Variants in RORA observed in about 807,000 individuals in gnomAD.
The protein encoded by RORA is nuclear receptor ROR-alpha.
In RORA, 7 loss-of-function variants were observed where a neutral mutation model predicts 69.5. The ratio of observed to expected loss-of-function variants is 0.10; its 90% CI spans 0.06 to 0.19. The LOEUF (loss-of-function observed/expected upper bound fraction) is 0.19. Ranked by LOEUF, RORA falls within the 10% of genes least tolerant of loss-of-function variation. RORA has a pLI of 1.00. For synonymous variants in RORA, 261 were observed against 240.8 expected (o/e 1.08, Z -0.78); for missense variants, 457 against 663.0 (o/e 0.69, Z 3.41).
chr15:61,110,883 C>T (rs2079000604), intron 1 of RORA, among the ~76,000 whole-genome samples: 1 of 152,234 alleles, frequency 6.6e-6, no homozygotes, highest in Non-Finnish European at 1.5e-5. Flanking sequence ...GCACTTCTCT[C>T]CCCATGGATA....
chr15:61,024,451 G>T (rs914275922), intron 1 of RORA, among the ~76,000 whole-genome samples: 14 of 134,784 alleles, frequency 1.0e-4, no homozygotes, highest in Admixed American at 3.0e-4. Context: ...GCCCGGTAAT[G>T]TTTTTTTTTT....
chr15:60,985,310 T>C (rs1566933997), intron 1 of RORA, among the ~76,000 whole-genome samples: 1 of 152,198 alleles, frequency 6.6e-6, no homozygotes, highest in Non-Finnish European at 1.5e-5. Context: ...ATTAGTATCT[T>C]TGAGTGAAGG....
rs1000846795 is a variant in RORA, at chr15:60,589,947, T to C, written c.197-58096A>G. Reference sequence around the variant, plus strand: ...CTTACACATGGAACCAATTTAACTATTAAAACTGAGAAGCAATAGGGAAGT... The same window carrying C: ...CTTACACATGGAACCAATTTAACTACTAAAACTGAGAAGCAATAGGGAAGT... On this transcript the variant is annotated intron_variant, in intron 2 of 10. Coordinates refer to ENST00000335670, the MANE Select transcript of RORA (RefSeq NM_134261.3). 2.6e-5 allele frequency among the ~76,000 whole-genome samples: 4 copies of C among 152,184 alleles called. No homozygotes were observed. The East Asian group carries it at 7.7e-4, about 29-fold the overall frequency.
At chr15:60,541,668 G>A (rs535869657) in intron 2 of RORA, among the ~76,000 whole-genome samples, 4 of 152,336 alleles carry the variant, frequency 2.6e-5, no homozygotes, top group Non-Finnish European at 4.4e-5. Context: ...AAATGCTCTG[G>A]ACTAAGCTAA....
intron 1 of RORA, among the ~76,000 whole-genome samples, chr15:61,067,114 CTTT>C (rs772963614): frequency 7.2e-5 from 10 of 138,442 alleles, no homozygotes; most frequent in Non-Finnish European, 7.8e-5. Context: ...AACTTTTTTT[CTTT>C]TTTTTTTTTT....
intron 1 of RORA, chr15:61,195,782 C>G (rs550384766): frequency 6.6e-6 from 1 of 152,320 alleles, no homozygotes; most frequent in Admixed American, 6.5e-5. Flanking sequence ...GAGTCACAGC[C>G]TATTTGTGAC....
chr15:60,716,146 G>T (rs867185396), intron 1 of RORA, among the ~76,000 whole-genome samples: 1 of 152,136 alleles, frequency 6.6e-6, no homozygotes, highest in South Asian at 2.1e-4. Context: ...TATAGTTGCC[G>T]AGTGATGCCA....
chr15:61,019,134 A>T (rs921201974), intron 1 of RORA, among the ~76,000 whole-genome samples: 3 of 152,212 alleles, frequency 2.0e-5, no homozygotes, highest in Non-Finnish European at 4.4e-5. Context: ...TGCAAGGCAC[A>T]AGAATTGCAC....
intron 1 of RORA, among the ~76,000 whole-genome samples, chr15:61,105,986 A>T (rs8039380): frequency 0.15 from 22,679 of 152,214 alleles, 1,745 homozygotes; most frequent in South Asian, 0.21. Flanking sequence ...TATCTTCATA[A>T]GCTGGCAAGG....
At chr15:60,920,026 G>T (rs1461870681) in intron 1 of RORA, among the ~76,000 whole-genome samples, 1 of 152,134 alleles carries the variant, frequency 6.6e-6, no homozygotes, top group Non-Finnish European at 1.5e-5. Flanking sequence ...AAGGAGAAGG[G>T]GAAGAAGGCT....
At chr15:61,143,303 G>A (rs1374497912) in intron 1 of RORA, among the ~76,000 whole-genome samples, 2 of 152,142 alleles carry the variant, frequency 1.3e-5, no homozygotes, top group East Asian at 3.9e-4. Context: ...CCTACAGAGA[G>A]ATGTAAAAGC....
chr15:61,043,933 A>C (rs981916728), intron 1 of RORA, among the ~76,000 whole-genome samples: 2 of 152,200 alleles, frequency 1.3e-5, no homozygotes, highest in African/African-American at 4.8e-5. Context: ...GCAGTAATGC[A>C]CAAGTCAGGA....
chr15:60,622,622 G>T (rs339989), intron 2 of RORA, among the ~76,000 whole-genome samples: 90,612 of 151,960 alleles, frequency 0.6, 27,024 homozygotes, highest in East Asian at 0.68. Context: ...AGCCAGACCC[G>T]GTCTCAAACA....
intron 2 of RORA, among the ~76,000 whole-genome samples, chr15:60,557,888 T>C (rs558337502): frequency 1.3e-5 from 2 of 152,332 alleles, no homozygotes; most frequent in East Asian, 3.9e-4. Context: ...ATCATAAATA[T>C]TTTTAAAGAA....
At chr15:61,140,195 A>C (rs758987474) in intron 1 of RORA, among the ~76,000 whole-genome samples, 26 of 152,162 alleles carry the variant, frequency 1.7e-4, no homozygotes, top group Non-Finnish European at 1.0e-4. Context: ...GAGGAAGAAA[A>C]GTTCGTTCTG....
intron 1 of RORA, among the ~76,000 whole-genome samples, chr15:61,196,573 T>C (rs1232039214): frequency 6.6e-6 from 1 of 152,250 alleles, no homozygotes; most frequent in Non-Finnish European, 1.5e-5. Flanking sequence ...ACGCACACGC[T>C]TTCCCTGCTA....
intron 1 of RORA, among the ~76,000 whole-genome samples, chr15:60,933,889 CA>C (rs1480572427): frequency 6.6e-6 from 1 of 152,234 alleles, no homozygotes; most frequent in South Asian, 2.1e-4. Context: ...TGTGTGCACA[CA>C]GACTCCCACA....
intron 1 of RORA, among the ~76,000 whole-genome samples, chr15:60,903,740 G>A (rs116478349): frequency 0.016 from 2,473 of 152,246 alleles, 92 homozygotes; most frequent in African/African-American, 0.057. Flanking sequence ...TACCTTCCCA[G>A]GGACCATGAA....
chr15:60,666,519 A>AAGGAGG, intron 2 of RORA, among the ~76,000 whole-genome samples: 2 of 152,002 alleles, frequency 1.3e-5, no homozygotes, highest in African/African-American at 4.8e-5. Context: ...GGACAAAGCT[A>AAGGAGG]CATAAACAGC....
Sources: allele counts gnomAD v4.1 joint callset (sites outside exome capture counted in the v4.1 genomes callset), GRCh38; gene constraint gnomAD v4.1.1; transcripts MANE v1.5; gene names NCBI Gene and HGNC (gene_info 2026-07-23, HGNC 2026-07-21).